PTPN13: variants seen among roughly 807,000 people sequenced by gnomAD.
The protein encoded by PTPN13 is protein tyrosine phosphatase non-receptor type 13.
In PTPN13, 191 loss-of-function variants were observed where a neutral mutation model predicts 284.0. The observed-to-expected ratio is 0.67, with a 90% CI of 0.60 to 0.76. PTPN13 has a LOEUF of 0.76. Ranked by LOEUF, PTPN13 falls within the 30% of genes least tolerant of loss-of-function variation. The pLI, the probability that PTPN13 is intolerant of heterozygous loss-of-function variation, is 0.00. For synonymous variants in PTPN13, 986 were observed against 1,022.3 expected (o/e 0.96, Z 0.68); for missense variants, 2,797 against 2,939.9 (o/e 0.95, Z 1.12).
chr4:86,803,234 T>A (rs1167397003), intron 42 of PTPN13, among the ~76,000 whole-genome samples: 1 of 150,578 alleles, frequency 6.6e-6, no homozygotes, highest in Non-Finnish European at 1.5e-5. Flanking sequence ...ATATATTTAT[T>A]GTGTATATAT....
intron 2 of PTPN13, among the ~76,000 whole-genome samples, chr4:86,660,829 C>T (rs1431303455): frequency 6.6e-6 from 1 of 152,050 alleles, no homozygotes; most frequent in Non-Finnish European, 1.5e-5. Flanking sequence ...TAATTTAAAA[C>T]TATTTTGACT....
chr4:86,713,897 T>C (rs1175919123), intron 7 of PTPN13, among the ~76,000 whole-genome samples: 1 of 152,100 alleles, frequency 6.6e-6, no homozygotes, highest in Non-Finnish European at 1.5e-5. Flanking sequence ...GTTAAGAATC[T>C]CTATTAAACA....
intron 42 of PTPN13, 97 bp downstream of exon 42, chr4:86,799,301 A>T (rs1444205474): frequency 2.4e-5 from 15 of 617,540 alleles, no homozygotes; most frequent in East Asian, 3.7e-5. Flanking sequence ...GTTTTACCAT[A>T]TGTATACATT....
chr4:86,747,258 C>T (rs1008056509), intron 17 of PTPN13, among the ~76,000 whole-genome samples: 8 of 152,216 alleles, frequency 5.3e-5, no homozygotes, highest in Non-Finnish European at 1.0e-4. Context: ...CACTTACAAG[C>T]CCTAAAACTT....
intron 2 of PTPN13, among the ~76,000 whole-genome samples, chr4:86,661,955 G>A (rs998398321): frequency 1.2e-4 from 19 of 152,258 alleles, no homozygotes; most frequent in African/African-American, 4.1e-4. Flanking sequence ...GAAGAAAAAA[G>A]ATCTCTTTTA....
intron 43 of PTPN13, 140 bp from the exon 44 acceptor site, chr4:86,805,139 A>C (rs1744513889): frequency 6.0e-6 from 3 of 499,644 alleles, no homozygotes; most frequent in Middle Eastern, 5.3e-4. Flanking sequence ...TACTGACTTT[A>C]GACTTATTTA....
At chr4:86,727,764 G>A (rs1734448937) in intron 10 of PTPN13, among the ~76,000 whole-genome samples, 1 of 149,250 alleles carries the variant, frequency 6.7e-6, no homozygotes, top group African/African-American at 2.4e-5. Context: ...CAAAAAACCA[G>A]CTCCTAAATT....
intron 44 of PTPN13, among the ~76,000 whole-genome samples, chr4:86,805,597 T>G (rs1361717779): frequency 6.6e-6 from 1 of 152,230 alleles, no homozygotes; most frequent in Non-Finnish European, 1.5e-5. Flanking sequence ...TGATAGGATA[T>G]TCCTGAATTT....
At chr4:86,656,550 A>T (rs1414242385) in intron 2 of PTPN13, among the ~76,000 whole-genome samples, 1 of 152,216 alleles carries the variant, frequency 6.6e-6, no homozygotes, top group Non-Finnish European at 1.5e-5. Context: ...GAGGCTGCAG[A>T]ACAGCAAATG....
rs1005869833 is a variant in PTPN13, at chr4:86,764,662, C to A, written c.4087C>A (p.Pro1363Thr). The A allele has an allele frequency of 6.2e-7, 1 of 1,603,998 alleles. No individual in the cohort carries two copies. The highest frequency in any genetic ancestry group is 8.5e-7 in the Non-Finnish European group (1 of 1,175,918). ...FKTFSSSPPKPGDIFEVELAK... is the reference protein window; with the variant it reads ...FKTFSSSPPKTGDIFEVELAK... Reference sequence around the variant, plus strand: ...AACTTTTTCTTCATCACCTCCTAAGCCTGGAGATATCTTTGAGGTTGAACT... The same window carrying A: ...AACTTTTTCTTCATCACCTCCTAAGACTGGAGATATCTTTGAGGTTGAACT... The change falls in exon 25 of 48, where the codon CCT becomes ACT. Residue 1363 changes from proline to threonine, a missense_variant. Physicochemically the swap from Pro to Thr is conservative, Grantham distance 38. Coordinates refer to ENST00000411767, the MANE Select transcript of PTPN13 (RefSeq NM_080683.3).
rs200093811 is a variant in PTPN13, at chr4:86,678,412, G to A, written c.294+5869G>A. ...TGCATACCAAAAAAAATGTGTCTTC[G>A]TATATTCTTCTGGATAGAGGGATCA... is the stretch of plus-strand genomic sequence containing the variant. On this transcript the variant is annotated intron_variant, in intron 3 of 47. Coordinates refer to ENST00000411767, the MANE Select transcript of PTPN13 (RefSeq NM_080683.3). 5.9e-5 allele frequency among the ~76,000 whole-genome samples: 9 copies of A among 152,244 alleles called. No homozygotes were observed. The East Asian group carries it at 1.4e-3, about 23-fold the overall frequency.
intron 3 of PTPN13, among the ~76,000 whole-genome samples, chr4:86,683,508 AG>A (rs1729124932): frequency 6.6e-6 from 1 of 152,198 alleles, no homozygotes; most frequent in Non-Finnish European, 1.5e-5. Flanking sequence ...CTGACTGGAA[AG>A]GGCCCACCCA....
Position 86,727,394 on chromosome 4 carries a change from G to C in PTPN13, c.1608+4960G>C, listed in dbSNP as rs1734403373. Among the ~76,000 whole-genome samples, 2 of 149,662 alleles carry C rather than the reference G, an allele frequency of 1.3e-5. 1 individual carries two copies. The highest frequency in any genetic ancestry group is 4.2e-4 in the South Asian group (2 of 4,758). On this transcript the variant is annotated intron_variant, in intron 10 of 47. Transcript: ENST00000411767. ...AATAGTTTCAGAAGGAATGGTACCA[G>C]CTCCTCTTTGTACCTCTGGTAGAAT...
intron 41 of PTPN13, among the ~76,000 whole-genome samples, chr4:86,798,472 G>A (rs1743613148): frequency 6.6e-6 from 1 of 152,186 alleles, no homozygotes; most frequent in Non-Finnish European, 1.5e-5. Flanking sequence ...ATATCAGAAA[G>A]TTAAAAACGT....
Position 86,767,899 on chromosome 4 carries a change from A to G in PTPN13, c.4412A>G (p.Asp1471Gly), listed in dbSNP as rs1739519173. The change falls in exon 28 of 48, where the codon GAT (aspartate) becomes GGT (glycine). Residue 1471 changes from aspartate to glycine, a missense_variant. Physicochemically the swap from Asp to Gly is moderately conservative, Grantham distance 94. Coordinates refer to ENST00000411767, the MANE Select transcript of PTPN13 (RefSeq NM_080683.3). Reference protein sequence around the residue: ...VPVTPQCTLSDQNAQGQGPEK... With the variant: ...VPVTPQCTLSGQNAQGQGPEK... ...GTAACCCCACAGTGTACCCTTTCAG[A>G]TCAGAATGCCCAAGGTCAAGGCCCA... The G allele has an allele frequency of 1.9e-6, 3 of 1,609,486 alleles. No homozygotes were observed. Among genetic ancestry groups the G allele is most frequent in the Non-Finnish European group, 2.5e-6 (3 of 1,177,726 alleles).
intron 23 of PTPN13, 72 bp from the exon 24 acceptor site, chr4:86,762,655 G>A (rs1738828673): frequency 8.6e-7 from 1 of 1,159,498 alleles, no homozygotes; most frequent in Non-Finnish European, 1.2e-6. Context: ...CAATCTTCAA[G>A]AAACATTGTG....
chr4:86,811,123 G>T lies in PTPN13; in HGVS notation c.7362+15G>T. On this transcript the variant is annotated intron_variant, in intron 47 of 47. Coordinates refer to ENST00000411767, the MANE Select transcript of PTPN13 (RefSeq NM_080683.3). ...TTCAGACAGAGGTGAGTCATGGCTGGGCCTCCTAATGAGAATTTTTGTAAA... is the reference window on the plus strand; with the variant it reads ...TTCAGACAGAGGTGAGTCATGGCTGTGCCTCCTAATGAGAATTTTTGTAAA... 1 of 1,602,780 alleles carries T rather than the reference G, an allele frequency of 6.2e-7. No individual in the cohort carries two copies. Among genetic ancestry groups the T allele is most frequent in the Non-Finnish European group, 8.5e-7 (1 of 1,172,530 alleles).
chr4:86,704,362 A>G (rs938912336), intron 7 of PTPN13, among the ~76,000 whole-genome samples: 2 of 152,138 alleles, frequency 1.3e-5, no homozygotes, highest in African/African-American at 2.4e-5. Flanking sequence ...ATTAATGGAA[A>G]CGTATTTAAT....
At position 86,811,479 on chromosome 4, in the gene PTPN13, T is replaced by G. The variant is rs1222397789; in HGVS notation, c.7362+371T>G. ...GAAGGTAACATTCTTGCTACAGAAA[T>G]TCCCTGAGAAGTAATGGATTCATCA... On this transcript the variant is annotated intron_variant, in intron 47 of 47. Transcript: ENST00000411767. 2.6e-5 allele frequency among the ~76,000 whole-genome samples: 4 copies of G among 152,224 alleles called. No homozygotes were observed. In the South Asian group the frequency reaches 8.3e-4, roughly 32 times the overall value.
Sources: gnomAD v4.1 joint callset for allele counts (sites outside exome capture counted in the v4.1 genomes callset) on GRCh38, gnomAD v4.1.1 for gene constraint, MANE v1.5 for transcripts, NCBI Gene and HGNC (gene_info 2026-07-23, HGNC 2026-07-21) for gene names.